Variants in DEPDC5 observed in about 807,000 individuals in gnomAD.
DEPDC5 encodes GATOR1 complex protein DEPDC5.
DEPDC5 carries 73 observed loss-of-function variants against 217.3 expected under a neutral mutation model. The observed-to-expected ratio is 0.34, with a 90% CI of 0.28 to 0.41. The LOEUF (loss-of-function observed/expected upper bound fraction) is 0.41. Among genes scored for constraint, DEPDC5 ranks in the 10% least tolerant of loss-of-function variants. DEPDC5 has a pLI of 1.00. For missense variants in DEPDC5, 1,675 were observed against 2,070.1 expected (o/e 0.81, Z 3.70); for synonymous variants, 733 against 756.7 (o/e 0.97, Z 0.51).
At chr22:31,803,332 T>G (rs773639442) in intron 15 of DEPDC5, among the ~76,000 whole-genome samples, 1 of 151,968 alleles carries the variant, frequency 6.6e-6, no homozygotes, top group African/African-American at 2.4e-5. Flanking sequence ...TGCCTCAGCC[T>G]CCCAAGTAGC....
At chr22:31,838,978 A>G (rs1359326919) in intron 27 of DEPDC5, 133 bp downstream of exon 27, 2 of 982,988 alleles carry the variant, frequency 2.0e-6, no homozygotes, top group East Asian at 5.2e-5. Context: ...TATAAATTCT[A>G]CTTAAGTGAG....
chr22:31,878,713 C>G (rs918169646), intron 37 of DEPDC5, among the ~76,000 whole-genome samples: 4 of 151,766 alleles, frequency 2.6e-5, no homozygotes, highest in African/African-American at 4.8e-5. Flanking sequence ...GACCCTGTCT[C>G]TAAGAGAAAA....
chr22:31,902,408 T>TATATATA lies in DEPDC5; in HGVS notation c.4436+606_4436+607insATATATA, dbSNP rs2093663741. Among the ~76,000 whole-genome samples, 746 of 111,892 alleles carry TATATATA rather than the reference T, an allele frequency of 6.7e-3. 16 individuals carry two copies. Among genetic ancestry groups the TATATATA allele is most frequent in the African/African-American group, 0.024 (698 of 29,166 alleles). The allele number at this position is 111,892 out of a possible 152,430, so 73.4% of individuals were successfully genotyped here. On this transcript the variant is annotated intron_variant, in intron 41 of 42. Coordinates refer to ENST00000651528, the MANE Select transcript of DEPDC5 (RefSeq NM_001242896.3). ...TCTCCAGTATCCTGTCATCTCCTTA[T>TATATATA]TATATATATATATATATATATATAT...
At chr22:31,755,023 G>A (rs2075200733) in intron 2 of DEPDC5, 44 bp downstream of exon 2, 3 of 1,611,106 alleles carry the variant, frequency 1.9e-6, no homozygotes, top group Non-Finnish European at 2.5e-6. Context: ...GTTGGCTGAG[G>A]TTCTGGTGTG....
chr22:31,821,541 G>A lies in DEPDC5; in HGVS notation c.1910G>A (p.Arg637Gln), dbSNP rs751767527. The A allele has an allele frequency of 1.4e-5, 22 of 1,614,064 alleles. No homozygotes were observed. The highest frequency in any genetic ancestry group is 1.3e-4 in the Admixed American group (8 of 60,000). Reference sequence around the variant, plus strand: ...GCCATCCAGATCCACCACCAGACCCGACAGAATATGGCGGAGCTACAAGGC... The same window carrying A: ...GCCATCCAGATCCACCACCAGACCCAACAGAATATGGCGGAGCTACAAGGC... Reference protein sequence around the residue: ...GEAIQIHHQTRQNMAELQGSG... With the variant: ...GEAIQIHHQTQQNMAELQGSG... Residue 637 changes from arginine to glutamine, a missense_variant, in exon 23 of 43, where the codon CGA becomes CAA. By Grantham distance (43) the Arg-to-Gln change is conservative (BLOSUM62 1). Around this residue, in one of 11 missense-constraint regions of DEPDC5, gnomAD observed 136 missense variants for 132.2 expected, o/e 1.03. Transcript: ENST00000651528.
At chr22:31,768,790 A>C (rs2083052156) in intron 6 of DEPDC5, 24 bp from the exon 7 acceptor site, 3 of 1,593,808 alleles carry the variant, frequency 1.9e-6, no homozygotes, top group South Asian at 1.1e-5. Context: ...CCCTCTCTCT[A>C]CCCCTCTCTC....
chr22:31,822,916 C>T, intron 24 of DEPDC5, 126 bp downstream of exon 24: 1 of 938,508 alleles, frequency 1.1e-6, no homozygotes, highest in Non-Finnish European at 1.6e-6. Context: ...TTTTGGGTGA[C>T]CTATTTAGAA....
At chr22:31,808,523 C>T (rs966566002) in intron 18 of DEPDC5, among the ~76,000 whole-genome samples, 5 of 152,164 alleles carry the variant, frequency 3.3e-5, no homozygotes, top group South Asian at 2.1e-4. Flanking sequence ...CAACCTCCAT[C>T]TCCTGGGTTC....
chr22:31,775,931 C>G (rs1025708316), intron 7 of DEPDC5, among the ~76,000 whole-genome samples: 2 of 150,884 alleles, frequency 1.3e-5, no homozygotes, highest in Admixed American at 1.3e-4. Flanking sequence ...ATCCCAGCTA[C>G]TCGGGAGGCT....
At chr22:31,883,389 G>A (rs1225622255) in intron 38 of DEPDC5, among the ~76,000 whole-genome samples, 2 of 152,144 alleles carry the variant, frequency 1.3e-5, no homozygotes, top group African/African-American at 4.8e-5. Context: ...AGATGTTAGA[G>A]GGAAGCACTG....
intron 2 of DEPDC5, among the ~76,000 whole-genome samples, chr22:31,757,770 A>G (rs1251879567): frequency 6.6e-6 from 1 of 151,888 alleles, no homozygotes; most frequent in Non-Finnish European, 1.5e-5. Context: ...TATTTTATTT[A>G]TTTATTTTTT....
At chr22:31,852,774 A>G (rs1207843250) in intron 31 of DEPDC5, 2 of 152,240 alleles carry the variant, frequency 1.3e-5, no homozygotes, top group African/African-American at 4.8e-5. Context: ...TAAAATTACA[A>G]CAATTCCTTA....
chr22:31,824,841 T>C (rs1213653619), intron 24 of DEPDC5, among the ~76,000 whole-genome samples: 1 of 151,516 alleles, frequency 6.6e-6, no homozygotes, highest in Non-Finnish European at 1.5e-5. Flanking sequence ...CTGGGCGTGG[T>C]GGCGGGCACC....
chr22:31,826,707 C>T (rs901228669), intron 24 of DEPDC5, among the ~76,000 whole-genome samples: 1 of 152,164 alleles, frequency 6.6e-6, no homozygotes, highest in African/African-American at 2.4e-5. Flanking sequence ...GATCTCACTG[C>T]TTGTTTTCCA....
At chr22:31,783,178 G>A (rs557588889) in intron 8 of DEPDC5, among the ~76,000 whole-genome samples, 1 of 152,292 alleles carries the variant, frequency 6.6e-6, no homozygotes, top group East Asian at 1.9e-4. Flanking sequence ...CCAATCAGCA[G>A]GACATGGGTG....
intron 32 of DEPDC5, among the ~76,000 whole-genome samples, chr22:31,859,558 A>AT (rs1388581652): frequency 1.4e-4 from 21 of 151,100 alleles, no homozygotes; most frequent in Non-Finnish European, 2.8e-4. Context: ...TGGCCAGCTA[A>AT]TTTTTTTTAT....
At chr22:31,887,168 C>CAGCACTTTG (rs1050001896) in intron 38 of DEPDC5, among the ~76,000 whole-genome samples, 23 of 151,750 alleles carry the variant, frequency 1.5e-4, no homozygotes, top group African/African-American at 5.3e-4. Context: ...CCTGTAATCC[C>CAGCACTTTG]AGCACTTTGA....
chr22:31,791,834 G>A (rs1405130149), intron 10 of DEPDC5, among the ~76,000 whole-genome samples, 199 bp from the exon 11 acceptor site: 1 of 146,880 alleles, frequency 6.8e-6, no homozygotes, highest in Non-Finnish European at 1.5e-5. Flanking sequence ...GGCTGAGGCA[G>A]GAGAATTGCT....
rs1227875767 is a variant in DEPDC5 at position 31,853,679 on chromosome 22, C to T, written c.3156-3766C>T. On this transcript the variant is annotated intron_variant, in intron 31 of 42. Transcript: ENST00000651528. ...TTATCTGTAGGCATATACATTTAGTCGGGCTCTTGTGAAAGACAGAAACCC... is the reference window on the plus strand; with the variant it reads ...TTATCTGTAGGCATATACATTTAGTTGGGCTCTTGTGAAAGACAGAAACCC... Among the ~76,000 whole-genome samples, 7 of 152,292 alleles carry T rather than the reference C, an allele frequency of 4.6e-5. 1 individual carries two copies. The highest frequency in any genetic ancestry group is 4.1e-4 in the South Asian group (2 of 4,822).
Sources: allele counts gnomAD v4.1 joint callset (sites outside exome capture counted in the v4.1 genomes callset), GRCh38; gene constraint gnomAD v4.1.1; regional missense constraint gnomAD v4.1.1; transcripts MANE v1.5; gene names NCBI Gene and HGNC (gene_info 2026-07-23, HGNC 2026-07-21).